The following CYFIP1 variants were observed in gnomAD, a reference collection of about 807,000 sequenced individuals.
CYFIP1 encodes cytoplasmic FMR1 interacting protein 1, also known as cytoplasmic FMR1-interacting protein 1.
A neutral mutation model predicts 163.5 loss-of-function variants in CYFIP1; 58 were observed. That is an observed-to-expected ratio of 0.35 (90% CI 0.29 to 0.44). The LOEUF is 0.44. CYFIP1 is among the 20% of genes least tolerant of loss of function. The pLI is 1.00. For synonymous variants in CYFIP1, 663 were observed against 660.7 expected (o/e 1.00, Z -0.05); for missense variants, 1,338 against 1,653.8 (o/e 0.81, Z 3.31).
intron 22 of CYFIP1, among the ~76,000 whole-genome samples, chr15:22,901,117 C>T (rs2060380099): frequency 6.6e-6 from 1 of 151,616 alleles, no homozygotes. Flanking sequence ...GCAGGAGAAT[C>T]GCTTGAACTC....
rs59101118 is a variant in CYFIP1, at chr15:22,917,106, C to T, written c.1675-476G>A. On this transcript the variant is annotated intron_variant, in intron 15 of 30. Transcript: ENST00000617928. The surrounding 1 kb of genome is among the most constrained non-coding windows in gnomAD (Gnocchi z 4.2). ...GACACACACACCCCAGGCAGGGACA[C>T]GGGACGCACGCAGAGGGAGGCAGGG... 2,260 of 1,459,312 alleles carry T rather than the reference C, an allele frequency of 1.5e-3. 46 individuals are homozygous for T. The African/African-American group carries it at 0.029, about 18-fold the overall frequency. 90.4% of individuals were successfully genotyped at this position (1,459,312 alleles called of 1,614,324 possible). A position where few individuals can be genotyped will look rare whatever the true frequency, so the allele number is the denominator to read the frequency against.
At chr15:22,975,579 A>G (rs570313548) in intron 1 of CYFIP1, among the ~76,000 whole-genome samples, 10 of 152,132 alleles carry the variant, frequency 6.6e-5, no homozygotes, top group African/African-American at 2.2e-4. Context: ...TGACCAACAC[A>G]GTGAAACCCC....
chr15:22,939,605 T>C, intron 6 of CYFIP1, 98 bp from the exon 7 acceptor site: 1 of 891,130 alleles, frequency 1.1e-6, no homozygotes, highest in Non-Finnish European at 1.7e-6. Context: ...GGGATCCCTT[T>C]CCCCTACAGT....
chr15:22,893,022 A>T, intron 22 of CYFIP1, 45 bp from the exon 23 acceptor site: 1 of 1,433,446 alleles, frequency 7.0e-7, no homozygotes, highest in Non-Finnish European at 9.8e-7. Context: ...CAAATTTAAC[A>T]ATAGTTCTTT....
At chr15:22,973,190 T>A (rs1408664005) in intron 1 of CYFIP1, among the ~76,000 whole-genome samples, 3 of 151,810 alleles carry the variant, frequency 2.0e-5, no homozygotes, top group Non-Finnish European at 4.4e-5. Flanking sequence ...GGTGCACACC[T>A]GTAGTGCCAG....
At chr15:22,955,663 G>A (rs1286503269) in intron 1 of CYFIP1, among the ~76,000 whole-genome samples, 1 of 152,184 alleles carries the variant, frequency 6.6e-6, no homozygotes, top group East Asian at 1.9e-4. Flanking sequence ...TAGAAAACGG[G>A]CAGATCCGCC....
chr15:22,972,688 A>C (rs1405996293), intron 1 of CYFIP1, among the ~76,000 whole-genome samples: 1 of 152,318 alleles, frequency 6.6e-6, no homozygotes, highest in Admixed American at 6.5e-5. Context: ...TGGCTTCTCA[A>C]CATAGACAAA....
At position 22,872,920 on chromosome 15, in the gene CYFIP1, G is replaced by C. The variant is rs2059477701; in HGVS notation, c.3502C>G (p.Leu1168Val). The change falls in exon 30 of 31, where the codon CTT (leucine) becomes GTT (valine). Residue 1168 changes from leucine (L) to valine (V), a missense_variant. By Grantham distance (32) the Leu-to-Val change is conservative. Around this residue, in one of 4 missense-constraint regions of CYFIP1, gnomAD observed 306 missense variants for 322.1 expected, o/e 0.95. Coordinates refer to ENST00000617928, the MANE Select transcript of CYFIP1 (RefSeq NM_014608.6). ...HWAGCMIIVL[L>V]GQQRRFAVLD... ...ACAGCAAAACGCCGCTGCTGCCCAA[G>C]AAGTACGATGATCATACAGCCAGCC... 6.2e-7 allele frequency: 1 copy of C among 1,614,108 alleles called. No individual in the cohort carries two copies. The highest frequency in any genetic ancestry group is 2.2e-5 in the East Asian group (1 of 44,886).
intron 13 of CYFIP1, among the ~76,000 whole-genome samples, chr15:22,921,573 T>G (rs1238076334): frequency 6.6e-6 from 1 of 151,536 alleles, no homozygotes; most frequent in East Asian, 1.9e-4. Context: ...CCCAGCACTT[T>G]GGGAGGTCAA....
At chr15:22,924,245 G>T (rs1159158495) in intron 13 of CYFIP1, among the ~76,000 whole-genome samples, 1 of 152,200 alleles carries the variant, frequency 6.6e-6, no homozygotes, top group East Asian at 1.9e-4. Context: ...CCAACATGGT[G>T]AAACCTTGTC....
intron 1 of CYFIP1, among the ~76,000 whole-genome samples, chr15:22,974,171 T>A (rs1194365025): frequency 6.6e-6 from 1 of 152,138 alleles, no homozygotes; most frequent in Non-Finnish European, 1.5e-5. Context: ...AACACCACTG[T>A]TGGGTATATA....
At chr15:22,897,520 G>A (rs2060275516) in intron 22 of CYFIP1, among the ~76,000 whole-genome samples, 1 of 151,038 alleles carries the variant, frequency 6.6e-6, no homozygotes, top group Non-Finnish European at 1.5e-5. Flanking sequence ...GATAGTCTCT[G>A]TCACCCAGGC....
chr15:22,914,174 C>A (rs2060889812), intron 17 of CYFIP1, among the ~76,000 whole-genome samples: 1 of 152,124 alleles, frequency 6.6e-6, no homozygotes, highest in Non-Finnish European at 1.5e-5. Flanking sequence ...AAAGGCCAGG[C>A]CACAGGGCTC....
intron 22 of CYFIP1, among the ~76,000 whole-genome samples, chr15:22,894,146 C>G (rs753383526): frequency 6.6e-6 from 1 of 152,126 alleles, no homozygotes; most frequent in African/African-American, 2.4e-5. Context: ...ACGGCACACA[C>G]GTCAGCCTCC....
rs544203344 is a variant in CYFIP1, at chr15:22,966,195, A to C, written c.-7+14092T>G. On this transcript the variant is annotated intron_variant, in intron 1 of 30. Coordinates refer to ENST00000617928, the MANE Select transcript of CYFIP1 (RefSeq NM_014608.6). Reference sequence around the variant, plus strand: ...GAAACCCCGTCTCTACTAAAAAAAAAAATACAAAATTAGCCAGGCGTGGTG... The same window carrying C: ...GAAACCCCGTCTCTACTAAAAAAAACAATACAAAATTAGCCAGGCGTGGTG... Among the ~76,000 whole-genome samples, 3 of 151,890 alleles carry C rather than the reference A, an allele frequency of 2.0e-5. No homozygotes were observed. The South Asian group carries it at 6.3e-4, about 32-fold the overall frequency.
At chr15:22,913,829 T>A (rs2060878534) in intron 17 of CYFIP1, among the ~76,000 whole-genome samples, 1 of 152,096 alleles carries the variant, frequency 6.6e-6, no homozygotes, top group Non-Finnish European at 1.5e-5. Flanking sequence ...CATCAGAGGC[T>A]CTGCCCACAC....
chr15:22,916,979 G>C (rs1389673556), intron 15 of CYFIP1: 17 of 1,551,472 alleles, frequency 1.1e-5, no homozygotes, highest in African/African-American at 1.4e-5. Flanking sequence ...TGAGCTGCCT[G>C]AGCAGCTCGG....
chr15:22,914,257 A>G (rs532724794), intron 17 of CYFIP1, among the ~76,000 whole-genome samples: 2 of 152,232 alleles, frequency 1.3e-5, no homozygotes, highest in Non-Finnish European at 2.9e-5. Flanking sequence ...GTCCAGGTTC[A>G]TCCATCTCCC....
At chr15:22,889,599 T>G (rs115720176) in intron 23 of CYFIP1, among the ~76,000 whole-genome samples, 1 of 152,134 alleles carries the variant, frequency 6.6e-6, no homozygotes, top group East Asian at 1.9e-4. Flanking sequence ...GAACCGCAGG[T>G]GCACGGCCCC....
Sources: allele counts gnomAD v4.1 joint callset (sites outside exome capture counted in the v4.1 genomes callset), GRCh38; gene constraint gnomAD v4.1.1; regional missense constraint gnomAD v4.1.1; non-coding constraint Gnocchi (gnomAD v3.1); transcripts MANE v1.5; gene names NCBI Gene and HGNC (gene_info 2026-07-23, HGNC 2026-07-21).